The following ACSM5 variants were observed in gnomAD, a reference collection of about 807,000 sequenced individuals.
ACSM5 encodes acyl-coenzyme A synthetase ACSM5, mitochondrial.
A neutral mutation model predicts 71.6 loss-of-function variants in ACSM5; 56 were observed. The observed-to-expected ratio is 0.78, with a 90% CI of 0.63 to 0.98. The LOEUF (loss-of-function observed/expected upper bound fraction) is 0.98, where lower values mean the gene tolerates loss of function less well. Ranked by LOEUF, ACSM5 falls within the 50% of genes least tolerant of loss-of-function variation. ACSM5 has a pLI of 0.00. For missense variants in ACSM5, 723 were observed against 726.0 expected (o/e 1.00, Z 0.05); for synonymous variants, 285 against 281.5 (o/e 1.01, Z -0.12).
chr16:20,418,074 C>G lies in ACSM5; in HGVS notation c.220C>G (p.Pro74Ala). ...CACCATCTAGGCTGGACACCGCCCC[C>G]CAAATCCTGCCTTCTGGTGGGTCAA... ...SRLEEAGHRPPNPAFWWVNGT... is the reference protein window; with the variant it reads ...SRLEEAGHRPANPAFWWVNGT... Residue 74 changes from proline (P) to alanine (A), a missense_variant, in exon 3 of 14, where the codon CCA becomes GCA. By Grantham distance (27) the Pro-to-Ala change is conservative. Transcript: ENST00000331849. 4.3e-6 allele frequency: 7 copies of G among 1,613,752 alleles called. No homozygotes were observed. Among genetic ancestry groups the G allele is most frequent in the Non-Finnish European group, 5.9e-6 (7 of 1,179,940 alleles).
At chr16:20,430,765 A>T (rs1292908006) in intron 8 of ACSM5, among the ~76,000 whole-genome samples, 3 of 149,708 alleles carry the variant, frequency 2.0e-5, no homozygotes, top group Admixed American at 6.7e-5. Flanking sequence ...GGGGAAAGAA[A>T]GGAAAGAAAG....
chr16:20,412,419 T>C (rs1358149785), intron 2 of ACSM5, among the ~76,000 whole-genome samples: 1 of 152,154 alleles, frequency 6.6e-6, no homozygotes, highest in Non-Finnish European at 1.5e-5. Flanking sequence ...GGCTCAAAGC[T>C]TTTTGCAGAT....
intron 10 of ACSM5, among the ~76,000 whole-genome samples, chr16:20,434,268 A>G (rs892474747): frequency 6.6e-6 from 1 of 152,204 alleles, no homozygotes; most frequent in African/African-American, 2.4e-5. Context: ...TTAAGTTTAT[A>G]ATCCATCTGT....
At chr16:20,426,992 G>A (rs1293020298) in intron 6 of ACSM5, among the ~76,000 whole-genome samples, 2 of 151,466 alleles carry the variant, frequency 1.3e-5, no homozygotes, top group African/African-American at 4.8e-5. Flanking sequence ...ATTGACTGAA[G>A]CTGGAAAATT....
Position 20,424,028 on chromosome 16 carries a change from G to A in ACSM5, c.880G>A (p.Val294Met), listed in dbSNP as rs1966929450. Residue 294 changes from valine (V) to methionine (M), a missense_variant, in exon 6 of 14, where the codon GTG becomes ATG. By Grantham distance (21) the Val-to-Met change is conservative. Transcript: ENST00000331849. The part of the protein sequence containing the change: ...SAWPNGSCIF[V>M]HELPRVDAKV... Reference sequence around the variant, plus strand: ...CTGGCCTAATGGATCTTGCATTTTTGTGCATGAGCTGCCCCGAGTTGATGC... The same window carrying A: ...CTGGCCTAATGGATCTTGCATTTTTATGCATGAGCTGCCCCGAGTTGATGC... 5.0e-6 allele frequency: 8 copies of A among 1,613,972 alleles called. No individual in the cohort carries two copies. The highest frequency in any genetic ancestry group is 6.8e-6 in the Non-Finnish European group (8 of 1,179,994).
At chr16:20,435,656 C>G (rs117994583) in intron 10 of ACSM5, among the ~76,000 whole-genome samples, 1 of 152,054 alleles carries the variant, frequency 6.6e-6, no homozygotes, top group Non-Finnish European at 1.5e-5. Context: ...CATTGTTTGT[C>G]GTCAGTATAT....
chr16:20,418,248 A>C lies in ACSM5; in HGVS notation c.394A>C (p.Ser132Arg), dbSNP rs946963917. ...LPRLPEWWLV[S>R]VACMRTGTVM... is the part of the protein sequence containing the mutation. ...ACGGCTCCCGGAGTGGTGGCTGGTC[A>C]GTGTGGCTTGCATGCGGACAGGTCA... The change falls in exon 3 of 14, where the codon AGT (serine) becomes CGT (arginine). Residue 132 changes from serine to arginine, a missense_variant. Ser to Arg is a moderately radical substitution (Grantham distance 110). Coordinates refer to ENST00000331849, the MANE Select transcript of ACSM5 (RefSeq NM_017888.3). 4 of 1,611,734 alleles carry C rather than the reference A, an allele frequency of 2.5e-6. No homozygotes were observed. The African/African-American group carries it at 5.3e-5, about 22-fold the overall frequency.
At chr16:20,440,264 A>G (rs908319710) in intron 13 of ACSM5, 80 bp from the exon 14 acceptor site, 37 of 976,476 alleles carry the variant, frequency 3.8e-5, no homozygotes, top group Non-Finnish European at 5.4e-5. Context: ...ACAGGCAGAC[A>G]GTATTGTCTC....
At chr16:20,427,149 A>C (rs1230390989) in intron 6 of ACSM5, among the ~76,000 whole-genome samples, 2 of 151,824 alleles carry the variant, frequency 1.3e-5, no homozygotes, top group Non-Finnish European at 2.9e-5. Context: ...AAAAATACAA[A>C]AATTAGCCGG....
In ACSM5 at chr16:20,419,222, T is replaced by C. The variant is rs367767304; in HGVS notation, c.416-6T>C. Reference sequence around the variant, plus strand: ...CCACTCAACATCCCCTTCTGTTTTATGCCAGGGACTGTGATGATTCCGGGT... The same window carrying C: ...CCACTCAACATCCCCTTCTGTTTTACGCCAGGGACTGTGATGATTCCGGGT... On this transcript the variant is annotated splice_polypyrimidine_tract_variant and splice_region_variant and intron_variant, in intron 3 of 13. Transcript: ENST00000331849. The C allele has an allele frequency of 1.9e-6, 3 of 1,614,140 alleles. No homozygotes were observed.
chr16:20,410,978 G>A lies in ACSM5; in HGVS notation c.-15-492G>A, dbSNP rs187168220. On this transcript the variant is annotated intron_variant, in intron 1 of 13. Transcript: ENST00000331849. ...AACAATTTATTCTTCTATTGACTAG[G>A]AATTGAAATGGTCATACTTTGGCTC... 4.6e-5 allele frequency among the ~76,000 whole-genome samples: 7 copies of A among 152,272 alleles called. No homozygotes were observed. In the East Asian group the frequency reaches 1.4e-3, roughly 29 times the overall value.
chr16:20,425,232 G>A (rs1447393964), intron 6 of ACSM5, among the ~76,000 whole-genome samples: 1 of 152,060 alleles, frequency 6.6e-6, no homozygotes, highest in Non-Finnish European at 1.5e-5. Flanking sequence ...TCACAAATAA[G>A]TGAGAATATG....
chr16:20,437,462 C>T, intron 12 of ACSM5, 95 bp downstream of exon 12: 3 of 1,033,844 alleles, frequency 2.9e-6, no homozygotes, highest in Non-Finnish European at 2.9e-6. Context: ...TGTATTTCAC[C>T]TCCATCCTTG....
In ACSM5 at chr16:20,431,222, T is replaced by A; in HGVS notation, c.1209T>A (p.Ile403=). 4 of 1,613,874 alleles carry A rather than the reference T, an allele frequency of 2.5e-6. No homozygotes were observed. The highest frequency in any genetic ancestry group is 3.4e-6 in the Non-Finnish European group (4 of 1,179,828). The part of the protein sequence containing the change: ...GKASPPYDVQ[I]VDDEGNVLPP... ...CTCTGTGATGATTTCCTTACCAGAT[T>A]GTGGATGATGAGGGCAACGTCCTGC... Residue 403 remains isoleucine, a splice_region_variant and synonymous_variant, in exon 10 of 14, where the codon ATT becomes ATA. Coordinates refer to ENST00000331849, the MANE Select transcript of ACSM5 (RefSeq NM_017888.3).
chr16:20,433,795 T>TC (rs1224446321), intron 10 of ACSM5, among the ~76,000 whole-genome samples: 2 of 151,054 alleles, frequency 1.3e-5, no homozygotes, highest in African/African-American at 4.9e-5. Context: ...CACCTCAGCC[T>TC]CCTGAGTAGC....
In ACSM5 at chr16:20,437,315, C is replaced by T. The variant is rs1233858373; in HGVS notation, c.1484C>T (p.Pro495Leu). 2 of 1,613,984 alleles carry T rather than the reference C, an allele frequency of 1.2e-6. No homozygotes were observed. The highest frequency in any genetic ancestry group is 2.2e-5 in the East Asian group (1 of 44,864). Residue 495 changes from proline to leucine, a missense_variant, in exon 12 of 14, where the codon CCT becomes CTT. Pro to Leu is a moderately conservative substitution (Grantham distance 98). Transcript: ENST00000331849. ...VEVESALAEH[P>L]AVLESAVVSS... Reference sequence around the variant, plus strand: ...GTGGAAAGTGCCCTGGCAGAGCATCCTGCTGTCCTGGAGTCGGCTGTGGTC... The same window carrying T: ...GTGGAAAGTGCCCTGGCAGAGCATCTTGCTGTCCTGGAGTCGGCTGTGGTC...
chr16:20,426,279 C>G (rs1966978407), intron 6 of ACSM5, among the ~76,000 whole-genome samples: 1 of 152,156 alleles, frequency 6.6e-6, no homozygotes, highest in Admixed American at 6.5e-5. Context: ...GTCCCCAGCT[C>G]TGATATAGTG....
intron 5 of ACSM5, among the ~76,000 whole-genome samples, chr16:20,422,143 G>T (rs572961591): frequency 6.6e-6 from 1 of 151,306 alleles, no homozygotes; most frequent in Non-Finnish European, 1.5e-5. Flanking sequence ...ACAGAGTTTT[G>T]CTCTTTTGCC....
intron 9 of ACSM5, 28 bp from the exon 10 acceptor site, chr16:20,431,192 T>C: frequency 6.2e-7 from 1 of 1,606,706 alleles, no homozygotes; most frequent in South Asian, 1.1e-5. Context: ...CACTCACGTA[T>C]GCACCTCTGT....
Sources: gnomAD v4.1 joint callset for allele counts (sites outside exome capture counted in the v4.1 genomes callset) on GRCh38, gnomAD v4.1.1 for gene constraint, MANE v1.5 for transcripts, NCBI Gene and HGNC (gene_info 2026-07-23, HGNC 2026-07-21) for gene names.